GPATCH2L: variants seen among roughly 807,000 people sequenced by gnomAD.
The protein encoded by GPATCH2L is G patch domain-containing protein 2-like.
A neutral mutation model predicts 57.4 loss-of-function variants in GPATCH2L; 31 were observed. The ratio of observed to expected loss-of-function variants is 0.54; its 90% CI spans 0.41 to 0.73. The LOEUF (loss-of-function observed/expected upper bound fraction) is 0.73, where lower values mean the gene tolerates loss of function less well. GPATCH2L is among the 30% of genes least tolerant of loss of function. The pLI is 0.00. For missense variants in GPATCH2L, 481 were observed against 599.9 expected (o/e 0.80, Z 2.07); for synonymous variants, 199 against 210.7 (o/e 0.94, Z 0.48).
chr14:76,197,208 A>T (rs7158766), intron 9 of GPATCH2L, among the ~76,000 whole-genome samples: 119,735 of 152,026 alleles, frequency 0.79, 47,753 homozygotes, highest in South Asian at 0.88. Context: ...TTTTTATATA[A>T]AACAAGATCA....
At chr14:76,158,607 C>A (rs574498288) in intron 2 of GPATCH2L, among the ~76,000 whole-genome samples, 21 of 152,270 alleles carry the variant, frequency 1.4e-4, no homozygotes, top group Non-Finnish European at 2.1e-4. Flanking sequence ...AGGTAAGTAG[C>A]CTCCTTTGCA....
intron 2 of GPATCH2L, among the ~76,000 whole-genome samples, chr14:76,159,093 G>C (rs555107321): frequency 2.6e-5 from 4 of 152,316 alleles, no homozygotes; most frequent in Non-Finnish European, 5.9e-5. Flanking sequence ...ATAACTTCTA[G>C]ATCAGGTGGG....
intron 2 of GPATCH2L, among the ~76,000 whole-genome samples, chr14:76,165,024 G>A (rs1317150559): frequency 6.6e-6 from 1 of 152,246 alleles, no homozygotes; most frequent in East Asian, 1.9e-4. Flanking sequence ...GTAAAATGTT[G>A]GGAGCAAAAG....
intron 7 of GPATCH2L, 186 bp downstream of exon 7, chr14:76,178,228 A>G: frequency 6.6e-7 from 1 of 1,510,452 alleles, no homozygotes; most frequent in Non-Finnish European, 8.9e-7. Context: ...TGCAGTAAGA[A>G]AGCAGAATGA....
chr14:76,201,462 T>G (rs1000775175), intron 9 of GPATCH2L, among the ~76,000 whole-genome samples: 3 of 152,252 alleles, frequency 2.0e-5, no homozygotes, highest in Non-Finnish European at 4.4e-5. Context: ...CTGAATTTAT[T>G]TGTTCAGTTG....
At chr14:76,226,431 T>C (rs1266206805) in intron 1 of GPATCH2L, among the ~76,000 whole-genome samples, 1 of 152,168 alleles carries the variant, frequency 6.6e-6, no homozygotes, top group Non-Finnish European at 1.5e-5. Flanking sequence ...AGGATTGTGC[T>C]TGCTGTAGAT....
chr14:76,168,623 G>C lies in GPATCH2L; in HGVS notation c.727+1896G>C, dbSNP rs190687643. On this transcript the variant is annotated intron_variant, in intron 3 of 9. Transcript: ENST00000261530. The stretch of plus-strand genomic sequence containing the variant: ...CTATGGCAGAGGATGTAAATGCCAG[G>C]TGACCAGGCTAGACCACAAGTACAT... Among the ~76,000 whole-genome samples the C allele has an allele frequency of 6.6e-5, 10 of 152,288 alleles. No homozygotes were observed. The East Asian group carries it at 1.5e-3, about 24-fold the overall frequency.
At chr14:76,188,022 A>G (rs1049112402) in intron 8 of GPATCH2L, among the ~76,000 whole-genome samples, 1 of 152,014 alleles carries the variant, frequency 6.6e-6, no homozygotes, top group African/African-American at 2.4e-5. Context: ...CTCCATTTCC[A>G]TCCATGTTGT....
chr14:76,220,186 A>G (rs1280519238), intron 1 of GPATCH2L, among the ~76,000 whole-genome samples: 2 of 152,204 alleles, frequency 1.3e-5, no homozygotes, highest in African/African-American at 4.8e-5. Context: ...CTTTAATACC[A>G]GGAGGTTGGT....
intron 8 of GPATCH2L, among the ~76,000 whole-genome samples, chr14:76,181,807 G>A (rs1003969649): frequency 3.3e-5 from 5 of 152,184 alleles, no homozygotes; most frequent in Non-Finnish European, 5.9e-5. Context: ...ACTGTTTCTG[G>A]TGGCACAAAG....
rs568145879 is a variant in GPATCH2L at position 76,171,782 on chromosome 14, C to T, written c.728-61C>T. On this transcript the variant is annotated intron_variant, in intron 3 of 9. Transcript: ENST00000261530. ...TATGGCACTAAGAAATCATCCCTCC[C>T]ATTTGTTTTTCTCAGACCTTGTTTA... The T allele has an allele frequency of 6.7e-5, 66 of 978,868 alleles. 1 individual carries two copies. The highest frequency in any genetic ancestry group is 1.9e-4 in the Admixed American group (7 of 37,798). The allele number at this position is 978,868 out of a possible 1,614,324, so 60.6% of individuals were successfully genotyped here.
chr14:76,199,006 C>T (rs190076938), intron 9 of GPATCH2L, among the ~76,000 whole-genome samples: 1 of 152,162 alleles, frequency 6.6e-6, no homozygotes, highest in East Asian at 1.9e-4. Flanking sequence ...ATTCTTATTG[C>T]CCACTGTGTC....
rs1312289856 is a variant in GPATCH2L at position 76,173,536 on chromosome 14, C to CT, written c.905-3dup. ...GCATTCGGTATCTGAGGCCTTCCTT[C>CT]TTTTTTTAGGGTACCATACTCGCTT... On this transcript the variant is annotated splice_polypyrimidine_tract_variant and intron_variant, in intron 4 of 9. Transcript: ENST00000261530. The CT allele has an allele frequency of 5.0e-6, 8 of 1,590,792 alleles. No individual in the cohort carries two copies. The highest frequency in any genetic ancestry group is 4.0e-5 in the African/African-American group (3 of 74,136).
chr14:76,154,778 G>A lies in GPATCH2L; in HGVS notation c.415G>A (p.Val139Met), dbSNP rs528369066. ...GAAGGTGAAGCGAGTGACATCAGAG[G>A]TGGCTGCTAGCCTTCAGCAGAAGCT... The part of the protein sequence containing the change: ...RRKVKRVTSE[V>M]AASLQQKLKV... The change falls in exon 2 of 10, where the codon GTG (valine) becomes ATG (methionine). Residue 139 changes from valine to methionine, a missense_variant. Coordinates refer to ENST00000261530, the MANE Select transcript of GPATCH2L (RefSeq NM_017926.4). The surrounding 1 kb of genome is among the most constrained non-coding windows in gnomAD (Gnocchi z 4.4). The A allele has an allele frequency of 6.2e-7, 1 of 1,614,236 alleles. No individual in the cohort carries two copies. The highest frequency in any genetic ancestry group is 1.1e-5 in the South Asian group (1 of 91,088).
At chr14:76,183,106 G>A (rs1334652297) in intron 8 of GPATCH2L, among the ~76,000 whole-genome samples, 1 of 152,168 alleles carries the variant, frequency 6.6e-6, no homozygotes, top group African/African-American at 2.4e-5. Flanking sequence ...CTTTTGTCAG[G>A]TTTCCTGTTT....
At chr14:76,200,086 T>A (rs12893582) in intron 9 of GPATCH2L, among the ~76,000 whole-genome samples, 13 of 152,328 alleles carry the variant, frequency 8.5e-5, no homozygotes, top group African/African-American at 3.1e-4. Flanking sequence ...AGAAATATTG[T>A]GTGATTCCAC....
At position 76,202,062 on chromosome 14, in the gene GPATCH2L, A is replaced by AT. The variant is rs924130489; in HGVS notation, c.*217dup. On this transcript the variant is annotated 3_prime_UTR_variant, in exon 10 of 10. Coordinates refer to ENST00000261530, the MANE Select transcript of GPATCH2L (RefSeq NM_017926.4). Reference sequence around the variant, plus strand: ...TAAATAGTGAAATATTGAGGCAGCAATTTTTTACAAAAAGGTCATCCTCTG... The same window carrying AT: ...TAAATAGTGAAATATTGAGGCAGCAATTTTTTTACAAAAAGGTCATCCTCTG... The AT allele has an allele frequency of 2.1e-5, 9 of 435,534 alleles. No individual in the cohort carries two copies. The highest frequency in any genetic ancestry group is 6.1e-5 in the African/African-American group (3 of 48,856). The allele number at this position is 435,534 out of a possible 1,614,324, so 27.0% of individuals were successfully genotyped here.
chr14:76,154,559 G>A lies in GPATCH2L; in HGVS notation c.196G>A (p.Glu66Lys). The change falls in exon 2 of 10, where the codon GAG becomes AAG. Residue 66 changes from glutamate to lysine, a missense_variant. Glu to Lys is a moderately conservative substitution (Grantham distance 56). Around this residue, in one of 3 missense-constraint regions of GPATCH2L, gnomAD observed 208 missense variants for 272.4 expected, o/e 0.76. Transcript: ENST00000261530. The surrounding 1 kb of genome is among the most constrained non-coding windows in gnomAD (Gnocchi z 4.4). Reference sequence around the variant, plus strand: ...TACCTGCTGCTACAGCGAGGCCTCTGAGTCAAGTCTGGATGAGGCCACTAA... The same window carrying A: ...TACCTGCTGCTACAGCGAGGCCTCTAAGTCAAGTCTGGATGAGGCCACTAA... ...EHTCCYSEAS[E>K]SSLDEATKDC... 6.2e-7 allele frequency: 1 copy of A among 1,614,216 alleles called. No individual in the cohort carries two copies. Among genetic ancestry groups the A allele is most frequent in the East Asian group, 2.2e-5 (1 of 44,886 alleles).
intron 1 of GPATCH2L, among the ~76,000 whole-genome samples, chr14:76,221,592 G>A (rs532896954): frequency 6.6e-6 from 1 of 152,286 alleles, no homozygotes; most frequent in Non-Finnish European, 1.5e-5. Flanking sequence ...ATGTCTTTCA[G>A]CAGGTAAATG....
Sources: gnomAD v4.1 joint callset for allele counts (sites outside exome capture counted in the v4.1 genomes callset) on GRCh38, gnomAD v4.1.1 for gene constraint, gnomAD v4.1.1 regional missense constraint, Gnocchi (gnomAD v3.1) non-coding constraint, MANE v1.5 for transcripts, NCBI Gene and HGNC (gene_info 2026-07-23, HGNC 2026-07-21) for gene names.